Variants in MTUS2 observed in about 807,000 individuals in gnomAD.
The protein encoded by MTUS2 is microtubule-associated tumor suppressor candidate 2.
A neutral mutation model predicts 114.1 loss-of-function variants in MTUS2; 40 were observed. The ratio of observed to expected loss-of-function variants is 0.35; its 90% CI spans 0.27 to 0.46. The LOEUF (loss-of-function observed/expected upper bound fraction) is 0.46, where lower values mean the gene tolerates loss of function less well. Among genes scored for constraint, MTUS2 ranks in the 20% least tolerant of loss-of-function variants. The pLI, the probability that MTUS2 is intolerant of heterozygous loss-of-function variation, is 1.00. For missense variants in MTUS2, 1,679 were observed against 1,705.4 expected (o/e 0.98, Z 0.27); for synonymous variants, 688 against 672.0 (o/e 1.02, Z -0.37).
At chr13:29,176,176 A>G (rs895740336) in intron 5 of MTUS2, among the ~76,000 whole-genome samples, 13 of 151,946 alleles carry the variant, frequency 8.6e-5, no homozygotes, top group African/African-American at 2.9e-4. Flanking sequence ...TTTTTGTTTC[A>G]TTTTATTTCT....
chr13:29,491,571 AGT>A (rs1377452295), intron 11 of MTUS2, among the ~76,000 whole-genome samples: 17 of 20,350 alleles, frequency 8.4e-4, no homozygotes, highest in East Asian at 6.1e-3. Context: ...TATGTGGGGG[AGT>A]GTGTGGGGGT....
intron 2 of MTUS2, among the ~76,000 whole-genome samples, chr13:28,933,556 A>G (rs1034899264): frequency 1.3e-5 from 2 of 152,202 alleles, no homozygotes; most frequent in Non-Finnish European, 1.5e-5. Flanking sequence ...AATCAAGTTG[A>G]CACTTAAAAT....
rs367661841 is a variant in MTUS2, at chr13:29,504,711, A to G, written c.*1505A>G. ...AGAAGTAGTTTTAACAGATATGGTG[A>G]TGATGATGATGCCCTTGTTTCCTGT... On this transcript the variant is annotated 3_prime_UTR_variant, in exon 16 of 16. Transcript: ENST00000612955. 9.9e-5 allele frequency: 23 copies of G among 232,876 alleles called. No individual in the cohort carries two copies. Among genetic ancestry groups the G allele is most frequent in the East Asian group, 5.4e-4 (9 of 16,542 alleles). 14.4% of individuals were successfully genotyped at this position (232,876 alleles called of 1,614,324 possible).
At chr13:29,198,410 T>C (rs2139226144) in intron 5 of MTUS2, among the ~76,000 whole-genome samples, 1 of 152,328 alleles carries the variant, frequency 6.6e-6, no homozygotes, top group African/African-American at 2.4e-5. Context: ...GAGGCCTCTG[T>C]TCTGTTCCAT....
At chr13:29,154,627 C>T (rs1192598157) in intron 5 of MTUS2, among the ~76,000 whole-genome samples, 2 of 152,226 alleles carry the variant, frequency 1.3e-5, no homozygotes, top group African/African-American at 4.8e-5. Flanking sequence ...CTTGATCCTT[C>T]TGCCAGGAGA....
intron 8 of MTUS2, among the ~76,000 whole-genome samples, chr13:29,410,442 C>G (rs1162402318): frequency 6.6e-6 from 1 of 152,120 alleles, no homozygotes; most frequent in African/African-American, 2.4e-5. Context: ...TTTTTAGTTG[C>G]AGCCAAGTAG....
At chr13:28,897,069 A>C (rs538655567) in intron 2 of MTUS2, among the ~76,000 whole-genome samples, 33 of 152,374 alleles carry the variant, frequency 2.2e-4, no homozygotes, top group Non-Finnish European at 4.3e-4. Flanking sequence ...AATGAAAGTA[A>C]AGAGCTTCTG....
rs71433291 is a variant in MTUS2 at position 28,912,978 on chromosome 13, G to C, written c.-243+73128G>C. ...ATTGATTTTTGTATCCTGAGACTTT[G>C]CTGAAGTTGCTTATCAGCTTAAGAA... is the stretch of plus-strand genomic sequence containing the variant. On this transcript the variant is annotated intron_variant, in intron 2 of 15. Transcript: ENST00000612955. Among the ~76,000 whole-genome samples, 320 of 152,296 alleles carry C rather than the reference G, an allele frequency of 2.1e-3. 2 individuals are homozygous for C. The Middle Eastern group carries it at 0.027, about 13-fold the overall frequency.
Position 29,385,902 on chromosome 13 carries a change from T to C in MTUS2, c.3117+26429T>C, listed in dbSNP as rs1593380593. Among the ~76,000 whole-genome samples the C allele has an allele frequency of 2.6e-5, 4 of 152,318 alleles. No individual in the cohort carries two copies. In the East Asian group the frequency reaches 7.7e-4, roughly 29 times the overall value. Reference sequence around the variant, plus strand: ...CATGGGATGAAGTGAACTGTCTCTCTGTCTCAAACAGGGAATCTCATTTCA... The same window carrying C: ...CATGGGATGAAGTGAACTGTCTCTCCGTCTCAAACAGGGAATCTCATTTCA... On this transcript the variant is annotated intron_variant, in intron 8 of 15. Transcript: ENST00000612955.
chr13:29,444,003 C>G (rs75923665), intron 9 of MTUS2, among the ~76,000 whole-genome samples: 10,359 of 152,228 alleles, frequency 0.068, 413 homozygotes, highest in African/African-American at 0.1. Flanking sequence ...CCCTGTCTCC[C>G]AAATCTAAAA....
At chr13:29,369,981 C>T (rs1871069160) in intron 8 of MTUS2, among the ~76,000 whole-genome samples, 2 of 152,058 alleles carry the variant, frequency 1.3e-5, no homozygotes, top group Non-Finnish European at 2.9e-5. Context: ...AAAATAATTA[C>T]AAAGATGGTC....
intron 7 of MTUS2, among the ~76,000 whole-genome samples, chr13:29,329,094 G>A (rs1385547883): frequency 1.3e-5 from 2 of 152,050 alleles, no homozygotes; most frequent in Non-Finnish European, 2.9e-5. Context: ...TTTGTAAGTG[G>A]TAGATAATTA....
chr13:29,165,560 G>A lies in MTUS2; in HGVS notation c.2644+64590G>A, dbSNP rs1430263221. Among the ~76,000 whole-genome samples the A allele has an allele frequency of 2.0e-5, 3 of 152,124 alleles. No individual in the cohort carries two copies. In the East Asian group the frequency reaches 5.8e-4, roughly 29 times the overall value. On this transcript the variant is annotated intron_variant, in intron 5 of 15. Coordinates refer to ENST00000612955, the MANE Select transcript of MTUS2 (RefSeq NM_001033602.4). Reference sequence around the variant, plus strand: ...TGGGAGGAAGTGAAAACAATGTGTGGGGCCAGTCCTTCTTTAATGGCTAAT... The same window carrying A: ...TGGGAGGAAGTGAAAACAATGTGTGAGGCCAGTCCTTCTTTAATGGCTAAT...
At chr13:29,374,139 T>A (rs920706302) in intron 8 of MTUS2, among the ~76,000 whole-genome samples, 4 of 150,908 alleles carry the variant, frequency 2.7e-5, no homozygotes, top group African/African-American at 9.7e-5. Flanking sequence ...TCAGTAGAAA[T>A]TGTCCAATCT....
chr13:29,206,990 C>A (rs911676366), intron 5 of MTUS2, among the ~76,000 whole-genome samples: 1 of 152,082 alleles, frequency 6.6e-6, no homozygotes, highest in Admixed American at 6.6e-5. Context: ...TTGTAGATTG[C>A]TTTTGGCAGT....
chr13:29,375,609 G>GTATATA (rs1337877350), intron 8 of MTUS2, among the ~76,000 whole-genome samples: 1 of 3,308 alleles, frequency 3.0e-4, no homozygotes, highest in African/African-American at 9.3e-4. Flanking sequence ...ATATATATAC[G>GTATATA]TATATATATA....
At chr13:29,384,492 T>A (rs4769731) in intron 8 of MTUS2, among the ~76,000 whole-genome samples, 91,653 of 151,758 alleles carry the variant, frequency 0.6, 29,067 homozygotes, top group East Asian at 0.73. Context: ...AAACAGGCCA[T>A]GAGAGAAGCT....
intron 8 of MTUS2, among the ~76,000 whole-genome samples, chr13:29,388,790 T>C (rs1315659900): frequency 6.6e-6 from 1 of 152,088 alleles, no homozygotes; most frequent in African/African-American, 2.4e-5. Flanking sequence ...GTCAGTGACT[T>C]ATATTGGATT....
chr13:29,077,180 A>G (rs1293096178), intron 4 of MTUS2, among the ~76,000 whole-genome samples: 1 of 152,102 alleles, frequency 6.6e-6, no homozygotes, highest in African/African-American at 2.4e-5. Flanking sequence ...CCTTTGGGAG[A>G]GCTGTAGCCC....
Sources: gnomAD v4.1 joint callset for allele counts (sites outside exome capture counted in the v4.1 genomes callset) on GRCh38, gnomAD v4.1.1 for gene constraint, MANE v1.5 for transcripts, NCBI Gene and HGNC (gene_info 2026-07-23, HGNC 2026-07-21) for gene names.